SPAG17: variants seen among roughly 807,000 people sequenced by gnomAD.
The protein encoded by SPAG17 is sperm associated antigen 17, also known as sperm-associated antigen 17.
A neutral mutation model predicts 273.6 loss-of-function variants in SPAG17; 169 were observed. The observed-to-expected ratio is 0.62, with a 90% CI of 0.55 to 0.70. SPAG17 has a LOEUF of 0.70. SPAG17 is among the 30% of genes least tolerant of loss of function. The pLI is 0.00. For missense variants in SPAG17, 2,557 were observed against 2,627.8 expected (o/e 0.97, Z 0.59); for synonymous variants, 825 against 873.2 (o/e 0.94, Z 0.97).
chr1:118,041,269 G>A (rs1649719878), intron 21 of SPAG17, among the ~76,000 whole-genome samples: 1 of 152,100 alleles, frequency 6.6e-6, no homozygotes, highest in African/African-American at 2.4e-5. Context: ...TTTAATGCAT[G>A]CTAAAACTTG....
At chr1:118,009,192 A>G (rs1659213733) in intron 30 of SPAG17, among the ~76,000 whole-genome samples, 1 of 151,728 alleles carries the variant, frequency 6.6e-6, no homozygotes, top group African/African-American at 2.4e-5. Context: ...AACTATAGTC[A>G]ATAACTTGTA....
At chr1:118,118,945 C>A (rs1412581410) in intron 3 of SPAG17, among the ~76,000 whole-genome samples, 5 of 152,054 alleles carry the variant, frequency 3.3e-5, no homozygotes, top group Non-Finnish European at 5.9e-5. Context: ...ACCAAATGAG[C>A]CAAATTATTT....
At chr1:117,969,885 A>G (rs966056286) in intron 46 of SPAG17, among the ~76,000 whole-genome samples, 171 bp downstream of exon 46, 1 of 152,242 alleles carries the variant, frequency 6.6e-6, no homozygotes, top group African/African-American at 2.4e-5. Flanking sequence ...CCATCAAGCC[A>G]CATACTGTAT....
rs1477691827 is a variant in SPAG17 at position 118,097,776 on chromosome 1, A to C, written c.905T>G (p.Val302Gly). ...TGTTTCAGGTTTCTCATTATTCAGGACTGGTTCCAAGTACTTCCAGAAAGT... is the reference window on the plus strand; with the variant it reads ...TGTTTCAGGTTTCTCATTATTCAGGCCTGGTTCCAAGTACTTCCAGAAAGT... Reference protein sequence around the residue: ...LKTFWKYLEPVLNNEKPETNL... With the variant: ...LKTFWKYLEPGLNNEKPETNL... Residue 302 changes from valine (V) to glycine (G), a missense_variant, in exon 7 of 49, where the codon GTC (valine) becomes GGC (glycine). By Grantham distance (109) the Val-to-Gly change is moderately radical. Transcript: ENST00000336338. 6.2e-7 allele frequency: 1 copy of C among 1,609,794 alleles called. No homozygotes were observed. The highest frequency in any genetic ancestry group is 8.5e-7 in the Non-Finnish European group (1 of 1,178,550).
chr1:118,015,881 A>G, intron 29 of SPAG17, 84 bp downstream of exon 29: 1 of 1,176,730 alleles, frequency 8.5e-7, no homozygotes. Flanking sequence ...TTGAAAAAAT[A>G]TTATCAGCTA....
At chr1:118,161,026 A>G (rs1659884000) in intron 1 of SPAG17, among the ~76,000 whole-genome samples, 1 of 152,214 alleles carries the variant, frequency 6.6e-6, no homozygotes, top group African/African-American at 2.4e-5. Flanking sequence ...ATTCAACAAA[A>G]ATGAGTAGTC....
At chr1:117,988,289 C>T (rs1214818018) in intron 38 of SPAG17, 85 bp from the exon 39 acceptor site, 19 of 937,802 alleles carry the variant, frequency 2.0e-5, no homozygotes, top group East Asian at 2.8e-5. Context: ...ATTTGAGATG[C>T]CTGTTAAGAG....
At chr1:118,117,271 T>C (rs1016415713) in intron 3 of SPAG17, among the ~76,000 whole-genome samples, 3 of 152,118 alleles carry the variant, frequency 2.0e-5, no homozygotes, top group Non-Finnish European at 4.4e-5. Flanking sequence ...TGGAGTCTCT[T>C]TTCCTGACGA....
intron 18 of SPAG17, among the ~76,000 whole-genome samples, chr1:118,061,124 C>T (rs1302674437): frequency 1.3e-5 from 2 of 152,082 alleles, no homozygotes; most frequent in Non-Finnish European, 2.9e-5. Context: ...AAGGTGCAGC[C>T]ACTATGGAAA....
At chr1:118,025,160 T>C (rs774520597) in intron 27 of SPAG17, 78 bp downstream of exon 27, 34 of 1,321,742 alleles carry the variant, frequency 2.6e-5, no homozygotes, top group Non-Finnish European at 3.2e-5. Context: ...TTTTCCCTGT[T>C]ATAGAACAGT....
At chr1:117,959,609 A>G in intron 48 of SPAG17, 3 of 682,906 alleles carry the variant, frequency 4.4e-6, no homozygotes, top group Non-Finnish European at 4.4e-6. Flanking sequence ...GGGAATTCCA[A>G]CATGAGATTA....
Position 118,086,879 on chromosome 1 carries a change from C to G in SPAG17, c.1489G>C (p.Glu497Gln), listed in dbSNP as rs546924862. The change falls in exon 11 of 49, where the codon GAG becomes CAG. Residue 497 changes from glutamate (E) to glutamine (Q), a missense_variant. By Grantham distance (29) the Glu-to-Gln change is conservative. Transcript: ENST00000336338. ...ATCTCAGGCTATCTGACCTTTTTCT[C>G]CCTCTCTGAGAGACAGAGTGAGGGC... ...LLPSLCLSER[E>Q]KKNLHDIFLS... 6.2e-7 allele frequency: 1 copy of G among 1,614,126 alleles called. No homozygotes were observed. Among genetic ancestry groups the G allele is most frequent in the South Asian group, 1.1e-5 (1 of 91,074 alleles).
At chr1:118,019,346 A>G (rs1388727131) in intron 28 of SPAG17, among the ~76,000 whole-genome samples, 1 of 152,172 alleles carries the variant, frequency 6.6e-6, no homozygotes, top group Non-Finnish European at 1.5e-5. Flanking sequence ...AAATGTAATA[A>G]CTGAAATTTA....
intron 23 of SPAG17, among the ~76,000 whole-genome samples, chr1:118,038,678 C>A (rs1406338943): frequency 6.6e-6 from 1 of 152,060 alleles, no homozygotes; most frequent in Non-Finnish European, 1.5e-5. Context: ...TCTGAAAAGG[C>A]TACATAGTGT....
At chr1:118,023,528 G>T (rs1647359678) in intron 27 of SPAG17, 65 bp from the exon 28 acceptor site, 2 of 1,486,590 alleles carry the variant, frequency 1.3e-6, no homozygotes, top group Non-Finnish European at 1.8e-6. Flanking sequence ...AACAATAAAC[G>T]CTGTGTGTCA....
chr1:118,115,694 G>T (rs569778492), intron 3 of SPAG17, among the ~76,000 whole-genome samples: 1 of 152,124 alleles, frequency 6.6e-6, no homozygotes, highest in Non-Finnish European at 1.5e-5. Flanking sequence ...TGCTTCCCAC[G>T]ATGGTGTTAG....
intron 4 of SPAG17, among the ~76,000 whole-genome samples, chr1:118,102,611 G>C (rs138004220): frequency 2.9e-3 from 441 of 152,288 alleles, no homozygotes; most frequent in African/African-American, 0.01. Context: ...CTTCCATGAT[G>C]CTCTGGGGCA....
chr1:118,080,552 A>C (rs1654466658), intron 15 of SPAG17, among the ~76,000 whole-genome samples: 1 of 152,220 alleles, frequency 6.6e-6, no homozygotes, highest in Non-Finnish European at 1.5e-5. Flanking sequence ...TAAGTAGAGA[A>C]ACAAAATAGC....
Position 118,151,486 on chromosome 1 carries a change from G to T in SPAG17, c.88-117C>A, listed in dbSNP as rs923990971. On this transcript the variant is annotated intron_variant, in intron 1 of 48. Coordinates refer to ENST00000336338, the MANE Select transcript of SPAG17 (RefSeq NM_206996.4). ...TGTAAATCTTACTTGAAAGACAGAG[G>T]TGACCTTGTAATGTATGTGGTTTTC... 7.3e-5 allele frequency: 76 copies of T among 1,039,924 alleles called. No homozygotes were observed. In the African/African-American group the frequency reaches 1.2e-3, roughly 16 times the overall value. The allele number at this position is 1,039,924 out of a possible 1,614,324, so 64.4% of individuals were successfully genotyped here.
Sources: allele counts gnomAD v4.1 joint callset (sites outside exome capture counted in the v4.1 genomes callset), GRCh38; gene constraint gnomAD v4.1.1; transcripts MANE v1.5; gene names NCBI Gene and HGNC (gene_info 2026-07-23, HGNC 2026-07-21).